Variants in CYSTM1 observed in about 807,000 individuals in gnomAD.
CYSTM1 encodes cysteine rich transmembrane module containing 1.
Under a neutral mutation model 13.1 loss-of-function variants are expected in CYSTM1, and 4 were observed. The observed-to-expected ratio is 0.31, with a 90% CI of 0.15 to 0.70. The LOEUF (loss-of-function observed/expected upper bound fraction) is 0.70. Ranked by LOEUF, CYSTM1 falls within the 30% of genes least tolerant of loss-of-function variation. The pLI is 0.72. For synonymous variants in CYSTM1, 36 were observed against 42.7 expected (o/e 0.84, Z 0.62); for missense variants, 96 against 121.6 (o/e 0.79, Z 0.99).
intron 2 of CYSTM1, among the ~76,000 whole-genome samples, chr5:140,199,893 A>G (rs1249347429): frequency 6.6e-6 from 1 of 152,046 alleles, no homozygotes; most frequent in African/African-American, 2.4e-5. Flanking sequence ...ACTTTTTTTC[A>G]TATGTTTTTG....
chr5:140,187,170 A>C (rs2126654540), intron 1 of CYSTM1, among the ~76,000 whole-genome samples: 1 of 73,050 alleles, frequency 1.4e-5, no homozygotes, highest in East Asian at 4.9e-4. Context: ...TAATTCTAAA[A>C]CTTTTTTTTT....
chr5:140,185,951 T>A (rs754575686), intron 1 of CYSTM1, among the ~76,000 whole-genome samples: 1 of 152,234 alleles, frequency 6.6e-6, no homozygotes, highest in Non-Finnish European at 1.5e-5. Context: ...TGTAACACTT[T>A]GAGGTAACTG....
intron 2 of CYSTM1, among the ~76,000 whole-genome samples, chr5:140,226,483 TTATATA>T: frequency 8.8e-6 from 1 of 114,198 alleles, no homozygotes; most frequent in East Asian, 2.3e-4. Context: ...ATATATATAT[TTATATA>T]TATATAATAT....
intron 2 of CYSTM1, among the ~76,000 whole-genome samples, chr5:140,220,942 C>A (rs993251637): frequency 6.6e-6 from 1 of 152,152 alleles, no homozygotes; most frequent in African/African-American, 2.4e-5. Flanking sequence ...CCTGAGCCAC[C>A]AACGTACAGA....
chr5:140,203,399 G>C (rs950123740), intron 2 of CYSTM1, among the ~76,000 whole-genome samples: 1 of 152,024 alleles, frequency 6.6e-6, no homozygotes, highest in African/African-American at 2.4e-5. Flanking sequence ...TCACACTCTT[G>C]GTCAAAGCAA....
At chr5:140,218,997 A>G (rs1328041616) in intron 2 of CYSTM1, among the ~76,000 whole-genome samples, 3 of 152,170 alleles carry the variant, frequency 2.0e-5, no homozygotes, top group Non-Finnish European at 4.4e-5. Flanking sequence ...GAGGCTGGTC[A>G]TGATTGTGGA....
At chr5:140,228,405 G>A (rs1295554111) in intron 2 of CYSTM1, among the ~76,000 whole-genome samples, 1 of 152,226 alleles carries the variant, frequency 6.6e-6, no homozygotes, top group Non-Finnish European at 1.5e-5. Flanking sequence ...CAGGGGTGGG[G>A]CTCAGGGCAA....
intron 2 of CYSTM1, among the ~76,000 whole-genome samples, chr5:140,221,630 C>T (rs1322964581): frequency 6.6e-6 from 1 of 152,154 alleles, no homozygotes; most frequent in African/African-American, 2.4e-5. Context: ...GGGTTGCTTC[C>T]ACCTTTTGAC....
At chr5:140,205,739 A>C (rs561645774) in intron 2 of CYSTM1, among the ~76,000 whole-genome samples, 7 of 152,030 alleles carry the variant, frequency 4.6e-5, no homozygotes, top group Non-Finnish European at 8.8e-5. Context: ...GGCCCACACA[A>C]ATTTTCTGAA....
intron 2 of CYSTM1, among the ~76,000 whole-genome samples, chr5:140,211,906 C>T (rs1023073843): frequency 3.9e-5 from 6 of 152,210 alleles, no homozygotes; most frequent in Non-Finnish European, 8.8e-5. Context: ...AAGATGTCGC[C>T]ACTGCACTCC....
At chr5:140,220,779 C>T (rs145661343) in intron 2 of CYSTM1, among the ~76,000 whole-genome samples, 1 of 152,084 alleles carries the variant, frequency 6.6e-6, no homozygotes, top group African/African-American at 2.4e-5. Context: ...AGCAGGAGGG[C>T]AGGTGGGCAC....
chr5:140,216,564 G>C (rs188667016), intron 2 of CYSTM1, among the ~76,000 whole-genome samples: 1 of 152,252 alleles, frequency 6.6e-6, no homozygotes, highest in Non-Finnish European at 1.5e-5. Context: ...GCTTACCCTG[G>C]CTCTCTGAGG....
intron 1 of CYSTM1, among the ~76,000 whole-genome samples, chr5:140,193,123 T>C (rs1764111915): frequency 6.6e-6 from 1 of 152,258 alleles, no homozygotes; most frequent in Admixed American, 6.5e-5. Flanking sequence ...GACTCTTCCC[T>C]ACTATTTGGT....
At position 140,230,474 on chromosome 5, in the gene CYSTM1, A is replaced by G. The variant is rs1026972587; in HGVS notation, c.188-12831A>G. Reference sequence around the variant, plus strand: ...TCCAGGATGAGAGATGGTTGATGGAAGGAAAGAAGAGGTTTGGAAAGTCCT... The same window carrying G: ...TCCAGGATGAGAGATGGTTGATGGAGGGAAAGAAGAGGTTTGGAAAGTCCT... On this transcript the variant is annotated intron_variant, in intron 2 of 2. Coordinates refer to ENST00000261811, the MANE Select transcript of CYSTM1 (RefSeq NM_032412.4). This position sits in a 1 kb window ranked among gnomAD's most constrained non-coding sequence, Gnocchi z 4.1. Among the ~76,000 whole-genome samples the G allele has an allele frequency of 1.3e-5, 2 of 152,218 alleles. No homozygotes were observed. The highest frequency in any genetic ancestry group is 2.4e-5 in the African/African-American group (1 of 41,454).
In CYSTM1 at chr5:140,175,580, C is replaced by G. The variant is rs1328500310; in HGVS notation, c.-21+295C>G. Among the ~76,000 whole-genome samples, 1 of 152,244 alleles carries G rather than the reference C, an allele frequency of 6.6e-6. No homozygotes were observed. The highest frequency in any genetic ancestry group is 6.5e-5 in the Admixed American group (1 of 15,290). ...CTCCGCGTCGCTGCGGTTCTCGTCTCACGAGGAGTCGGCGGGCTCGGAGCG... is the reference window on the plus strand; with the variant it reads ...CTCCGCGTCGCTGCGGTTCTCGTCTGACGAGGAGTCGGCGGGCTCGGAGCG... On this transcript the variant is annotated intron_variant, in intron 1 of 2. Coordinates refer to ENST00000261811, the MANE Select transcript of CYSTM1 (RefSeq NM_032412.4). This position sits in a 1 kb window ranked among gnomAD's most constrained non-coding sequence, Gnocchi z 4.9.
At chr5:140,177,579 GCAGCACT>G (rs1358600368) in intron 1 of CYSTM1, among the ~76,000 whole-genome samples, 9 of 152,160 alleles carry the variant, frequency 5.9e-5, no homozygotes, top group Non-Finnish European at 2.9e-5. Flanking sequence ...AGAAACCGGT[GCAGCACT>G]CAAAGGAGTG....
chr5:140,240,730 T>C (rs1764737694), intron 2 of CYSTM1, among the ~76,000 whole-genome samples: 1 of 151,894 alleles, frequency 6.6e-6, no homozygotes, highest in Admixed American at 6.6e-5. Flanking sequence ...AGTTGTAAAA[T>C]TTCTGGGCCC....
intron 2 of CYSTM1, chr5:140,229,036 A>G (rs1327822787): frequency 1.1e-5 from 4 of 379,622 alleles, no homozygotes; most frequent in African/African-American, 4.1e-5. Context: ...ACATAAACAT[A>G]TAAGTTTTGG....
intron 2 of CYSTM1, among the ~76,000 whole-genome samples, chr5:140,236,592 T>C (rs958598510): frequency 6.6e-6 from 1 of 152,228 alleles, no homozygotes; most frequent in African/African-American, 2.4e-5. Context: ...TCTTAAATGA[T>C]ATTAACTTTG....
Sources: allele counts gnomAD v4.1 joint callset (sites outside exome capture counted in the v4.1 genomes callset), GRCh38; gene constraint gnomAD v4.1.1; non-coding constraint Gnocchi (gnomAD v3.1); transcripts MANE v1.5; gene names NCBI Gene and HGNC (gene_info 2026-07-23, HGNC 2026-07-21).